Variants in TTN observed in about 807,000 individuals in gnomAD.
TTN encodes titin.
Under a neutral mutation model 3,223.0 loss-of-function variants are expected in TTN, and 1,525 were observed. That is an observed-to-expected ratio of 0.47 (90% confidence interval 0.45 to 0.49). The LOEUF (loss-of-function observed/expected upper bound fraction) is 0.49, where lower values mean the gene tolerates loss of function less well. TTN is among the 20% of genes least tolerant of loss of function. The pLI is 0.00. For missense variants in TTN, 40,786 were observed against 43,424.0 expected, an observed-to-expected ratio of 0.94 and a Z score of 5.40; for synonymous variants, 14,094 against 15,161.0, an observed-to-expected ratio of 0.93 and a Z score of 5.17.
rs1701660607 is a variant in TTN, at chr2:178,556,720, A to T, written c.88306+128T>A. 3 of 1,126,730 alleles carry T rather than the reference A, an allele frequency of 2.7e-6. No individual in the cohort carries two copies. The African/African-American group carries it at 4.7e-5, about 18-fold the overall frequency. 69.8% of individuals were successfully genotyped at this position (1,126,730 alleles called of 1,614,324 possible). ...TTTTCCTCAGACTCCCAGCTAGTCC[A>T]TAATTTCTTCCAAAAACCCCATTAA... On this transcript the variant is annotated intron_variant, in intron 330 of 362. Transcript: ENST00000589042.
chr2:178,711,849 T>C, intron 96 of TTN, 95 bp downstream of exon 96: 32 of 1,447,124 alleles, frequency 2.2e-5, no homozygotes, highest in Non-Finnish European at 3.0e-5. Context: ...TTTAAGCCTT[T>C]GGAAAGATTT....
rs368450785 is a variant in TTN at position 178,584,407 on chromosome 2, C to T, written c.65144G>A (p.Arg21715Gln). 4.0e-5 allele frequency: 65 copies of T among 1,613,110 alleles called. No homozygotes were observed. Among genetic ancestry groups the T allele is most frequent in the South Asian group, 1.9e-4 (17 of 91,048 alleles). ...GCCAGCACAAGGATATTCAGTTGAC[C>T]GGACAAGAGTATCATTGGCTTTCAC... ...LWVKANDTLV[R>Q]STEYPCAGLV... is the part of the protein sequence containing the mutation. The change falls in exon 311 of 363, where the codon CGG (arginine) becomes CAG (glutamine). Residue 21715 changes from arginine to glutamine, a missense_variant. Coordinates refer to ENST00000589042, the MANE Select transcript of TTN (RefSeq NM_001267550.2).
Position 178,775,468 on chromosome 2 carries a change from A to G in TTN, c.6396T>C (p.Asn2132=). 1.2e-6 allele frequency: 2 copies of G among 1,613,848 alleles called. No individual in the cohort carries two copies. The highest frequency in any genetic ancestry group is 1.7e-6 in the Non-Finnish European group (2 of 1,179,958). Residue 2132 remains asparagine, a synonymous_variant, in exon 28 of 363, where the codon AAT becomes AAC. Coordinates refer to ENST00000589042, the MANE Select transcript of TTN (RefSeq NM_001267550.2). ...CATCTCTTATGACCAATTCACAAAC[A>G]TTGTCTTCGGGCCAGTACCAGTAGA... is the stretch of plus-strand genomic sequence containing the variant. ...DRIYWYWPED[N]VCELVIRDVT... is the part of the protein sequence containing the mutation.
intron 112 of TTN, 90 bp downstream of exon 112, chr2:178,698,753 C>A (rs149768571): frequency 7.9e-7 from 1 of 1,264,026 alleles, no homozygotes; most frequent in East Asian, 2.6e-5. Context: ...ATTGCAAACT[C>A]TTACCCTTCC....
At position 178,635,488 on chromosome 2, in the gene TTN, C is replaced by T; in HGVS notation, c.41836G>A (p.Ala13946Thr). 6.2e-7 allele frequency: 1 copy of T among 1,605,568 alleles called. No homozygotes were observed. Reference sequence around the variant, plus strand: ...TATCTTTTTCCTTCAATTTCCACTGCATACTCAGCAATATCTTCTGGCATA... The same window carrying T: ...TATCTTTTTCCTTCAATTTCCACTGTATACTCAGCAATATCTTCTGGCATA... ...NAMPEDIAEY[A>T]VEIEGKRYPA... Residue 13946 changes from alanine (A) to threonine (T), a missense_variant, in exon 227 of 363, where the codon GCA becomes ACA. Transcript: ENST00000589042.
Position 178,555,492 on chromosome 2 carries a change from C to G in TTN, c.88307-340G>C, listed in dbSNP as rs148987480. 483 of 227,814 alleles carry G rather than the reference C, an allele frequency of 2.1e-3. 9 individuals carry two copies. Among genetic ancestry groups the G allele is most frequent in the South Asian group, 0.019 (247 of 12,760 alleles). 14.1% of individuals were successfully genotyped at this position (227,814 alleles called of 1,614,324 possible). A position where few individuals can be genotyped will look rare whatever the true frequency, so the allele number is the denominator to read the frequency against. ...TTTCCTTTCACTTTAGCTTTTCTTT[C>G]CTTTTCTTCTACGCACCTCCTATTC... On this transcript the variant is annotated intron_variant, in intron 330 of 362. Transcript: ENST00000589042.
At position 178,795,122 on chromosome 2, in the gene TTN, C is replaced by T. The variant is rs1240680437; in HGVS notation, c.1045G>A (p.Gly349Ser). ...GCCTCAGATGAGGAGGCCACGTAGC[C>T]CTCTTGCTTCCAAGGGGGAGGCACT... ...PEVPPPWKQE[G>S]YVASSSEAEM... The change falls in exon 7 of 363, where the codon GGC becomes AGC. Residue 349 changes from glycine (G) to serine (S), a missense_variant. Gly to Ser is a moderately conservative substitution (Grantham distance 56). Coordinates refer to ENST00000589042, the MANE Select transcript of TTN (RefSeq NM_001267550.2). The T allele has an allele frequency of 6.2e-7, 1 of 1,614,012 alleles. No individual in the cohort carries two copies. Among genetic ancestry groups the T allele is most frequent in the Non-Finnish European group, 8.5e-7 (1 of 1,180,010 alleles).
rs56009327 is a variant in TTN, at chr2:178,542,381, A to T, written c.97375T>A (p.Phe32459Ile). ...PVSESVTRST[F>I]KFTRLTEGNE... is the part of the protein sequence containing the mutation. The stretch of plus-strand genomic sequence containing the variant: ...CCTTCGGTGAGTCTGGTAAACTTAA[A>T]CGTGGACCTAGTCACTGATTCAGAA... The change falls in exon 349 of 363, where the codon TTT becomes ATT. Residue 32459 changes from phenylalanine to isoleucine, a missense_variant. Transcript: ENST00000589042. 1.7e-5 allele frequency: 27 copies of T among 1,613,568 alleles called. No individual in the cohort carries two copies. The highest frequency in any genetic ancestry group is 2.3e-5 in the Non-Finnish European group (27 of 1,179,696).
In TTN at chr2:178,728,879, T is replaced by G; in HGVS notation, c.19147+12A>C. The G allele has an allele frequency of 1.3e-6, 2 of 1,582,328 alleles. No homozygotes were observed. Among genetic ancestry groups the G allele is most frequent in the Non-Finnish European group, 1.7e-6 (2 of 1,162,266 alleles). ...GCTATAGACTATCTTTGAAAGAGAA[T>G]AGCTTACAAACCTTGTACTAAAAGG... is the stretch of plus-strand genomic sequence containing the variant. On this transcript the variant is annotated intron_variant, in intron 65 of 362. Coordinates refer to ENST00000589042, the MANE Select transcript of TTN (RefSeq NM_001267550.2).
chr2:178,749,797 C>T, intron 47 of TTN: 2 of 1,613,094 alleles, frequency 1.2e-6, no homozygotes, highest in Non-Finnish European at 1.7e-6. Context: ...ACTTCTGGTT[C>T]TGCTTTAAAA....
Position 178,621,646 on chromosome 2 carries a change from C to A in TTN, c.45178G>T (p.Glu15060Ter). ...TCATCCCCTTTATACCAAATCACTT[C>A]TGCGCCAGGTTTGGAGACTTCACAA... ...LVCEVSKPGA[E>*]VIWYKGDEEI... Residue 15060 changes from glutamate (E) to a stop codon, truncating the protein, a stop_gained, in exon 245 of 363, where the codon GAA (glutamate) becomes TAA (stop). Transcript: ENST00000589042. LOFTEE classifies it high-confidence loss of function. 6.2e-7 allele frequency: 1 copy of A among 1,612,486 alleles called. No homozygotes were observed. The highest frequency in any genetic ancestry group is 2.2e-5 in the East Asian group (1 of 44,658).
chr2:178,783,904 T>C, intron 16 of TTN, 119 bp from the exon 17 acceptor site: 6 of 1,069,622 alleles, frequency 5.6e-6, no homozygotes, highest in Admixed American at 3.5e-5. Context: ...AAAAATAATT[T>C]GAGAAAATGA....
Position 178,715,629 on chromosome 2 carries a change from T to A in TTN, c.25785A>T (p.Lys8595Asn). The A allele has an allele frequency of 6.2e-7, 1 of 1,613,604 alleles. No homozygotes were observed. Among genetic ancestry groups the A allele is most frequent in the Non-Finnish European group, 8.5e-7 (1 of 1,179,650 alleles). The change falls in exon 89 of 363, where the codon AAA (lysine) becomes AAT (asparagine). Residue 8595 changes from lysine (K) to asparagine (N), a missense_variant. Coordinates refer to ENST00000589042, the MANE Select transcript of TTN (RefSeq NM_001267550.2). Reference sequence around the variant, plus strand: ...CCGAGTCAACGAATGACATTCTGAATTTACTGCTCTCTTGAATTTCAGTCT... The same window carrying A: ...CCGAGTCAACGAATGACATTCTGAAATTACTGCTCTCTTGAATTTCAGTCT... Reference protein sequence around the residue: ...KDETEIQESSKFRMSFVDSVA... With the variant: ...KDETEIQESSNFRMSFVDSVA...
intron 226 of TTN, 94 bp from the exon 227 acceptor site, chr2:178,635,809 C>G (rs2060363724): frequency 6.6e-7 from 1 of 1,514,452 alleles, no homozygotes; most frequent in African/African-American, 1.4e-5. Context: ...AAAAATTTCA[C>G]AATACTGGGC....
In TTN at chr2:178,799,364, G is replaced by A. The variant is rs2093934564; in HGVS notation, c.914+123C>T. ...GCTCCCCTAGAGGTTTGAGCAGCGG[G>A]ACACTGAAGAAGCGAACCACTCTCC... On this transcript the variant is annotated intron_variant, in intron 6 of 362. Coordinates refer to ENST00000589042, the MANE Select transcript of TTN (RefSeq NM_001267550.2). 5.5e-6 allele frequency: 8 copies of A among 1,466,148 alleles called. No homozygotes were observed. In the East Asian group the frequency reaches 1.6e-4, roughly 30 times the overall value. The allele number at this position is 1,466,148 out of a possible 1,614,324, so 90.8% of individuals were successfully genotyped here.
chr2:178,673,805 T>A (rs2067469229), intron 151 of TTN, 95 bp from the exon 152 acceptor site: 1 of 914,286 alleles, frequency 1.1e-6, no homozygotes, highest in Non-Finnish European at 1.7e-6. Flanking sequence ...AACATTGACT[T>A]ATTTTTAAAA....
Position 178,573,297 on chromosome 2 carries a change from C to G in TTN, c.72835G>C (p.Asp24279His). 1.3e-6 allele frequency: 2 copies of G among 1,584,112 alleles called. No individual in the cohort carries two copies. The highest frequency in any genetic ancestry group is 1.2e-5 in the South Asian group (1 of 85,936). ...WIKCNKKTLTDLRYKVSGLTE... is the reference protein window; with the variant it reads ...WIKCNKKTLTHLRYKVSGLTE... The stretch of plus-strand genomic sequence containing the variant: ...AGTCCAGACACTTTATATCTTAAAT[C>G]AGTAAGAGTTTTTTTGTTGCATTTA... Residue 24279 changes from aspartate to histidine, a missense_variant, in exon 326 of 363, where the codon GAT becomes CAT. Asp to His is a moderately conservative substitution (Grantham distance 81). Coordinates refer to ENST00000589042, the MANE Select transcript of TTN (RefSeq NM_001267550.2).
intron 17 of TTN, 71 bp from the exon 18 acceptor site, chr2:178,783,135 T>C (rs776913807): frequency 8.3e-6 from 13 of 1,571,476 alleles, no homozygotes; most frequent in Non-Finnish European, 1.1e-5. Context: ...TTGTAACAAA[T>C]GTAGAGTTTG....
chr2:178,746,047 G>C lies in TTN; in HGVS notation c.11312-4126C>G, dbSNP rs397517821. ...CTACACAATTCACAGCTCTGCACCT[G>C]TATGTTGCACTATCAGAAAGACAGA... is the stretch of plus-strand genomic sequence containing the variant. On this transcript the variant is annotated intron_variant, in intron 47 of 362. Transcript: ENST00000589042. 74 of 1,613,298 alleles carry C rather than the reference G, an allele frequency of 4.6e-5. No homozygotes were observed. Among genetic ancestry groups the C allele is most frequent in the Non-Finnish European group, 6.1e-5 (72 of 1,179,560 alleles).
Sources: gnomAD v4.1 joint callset for allele counts on GRCh38, gnomAD v4.1.1 for gene constraint, MANE v1.5 for transcripts, NCBI Gene and HGNC (gene_info 2026-07-23, HGNC 2026-07-21) for gene names.